Variants in SPECC1 observed in about 807,000 individuals in gnomAD.
The protein encoded by SPECC1 is cytospin-B.
In SPECC1, 62 loss-of-function variants were observed where a neutral mutation model predicts 104.1. The ratio of observed to expected loss-of-function variants is 0.60; its 90% CI spans 0.49 to 0.74. The LOEUF is 0.74. Among genes scored for constraint, SPECC1 ranks in the 30% least tolerant of loss-of-function variants. The pLI is 0.00. For synonymous variants in SPECC1, 513 were observed against 501.6 expected, an observed-to-expected ratio of 1.02 and a Z score of -0.30; for missense variants, 1,306 against 1,310.5, an observed-to-expected ratio of 1.00 and a Z score of 0.05.
intron 3 of SPECC1, among the ~76,000 whole-genome samples, chr17:20,179,000 A>C (rs1393334615): frequency 6.6e-6 from 1 of 152,268 alleles, no homozygotes; most frequent in Admixed American, 6.5e-5. Context: ...GCTAGAATAG[A>C]GTCTGTATGG....
At chr17:20,108,132 A>G (rs973609278) in intron 2 of SPECC1, among the ~76,000 whole-genome samples, 2 of 152,252 alleles carry the variant, frequency 1.3e-5, no homozygotes, top group East Asian at 3.9e-4. Context: ...GTTGTACAAC[A>G]TGGTGAATGT....
intron 3 of SPECC1, among the ~76,000 whole-genome samples, chr17:20,118,011 G>T (rs1249752415): frequency 6.6e-6 from 1 of 151,920 alleles, no homozygotes; most frequent in Non-Finnish European, 1.5e-5. Context: ...AGACAGAGGT[G>T]GGAGGATCAC....
At chr17:20,239,335 C>T in intron 7 of SPECC1, 1 of 969,058 alleles carries the variant, frequency 1.0e-6, no homozygotes, top group Non-Finnish European at 1.2e-6. Flanking sequence ...GTGAGGAAAT[C>T]AGTGTTAACA....
intron 3 of SPECC1, chr17:20,185,311 A>G (rs965022886): frequency 6.6e-6 from 1 of 152,390 alleles, no homozygotes; most frequent in African/African-American, 2.4e-5. Flanking sequence ...AGAGGGTGGA[A>G]GTGCTCCTCT....
intron 11 of SPECC1, 68 bp downstream of exon 11, chr17:20,257,675 T>C: frequency 6.3e-7 from 1 of 1,577,784 alleles, no homozygotes; most frequent in Non-Finnish European, 8.6e-7. Context: ...CTTCCTTCCG[T>C]TTTGTCCCCG....
At chr17:20,170,820 G>A (rs1454453440) in intron 3 of SPECC1, among the ~76,000 whole-genome samples, 1 of 152,082 alleles carries the variant, frequency 6.6e-6, no homozygotes, top group Non-Finnish European at 1.5e-5. Flanking sequence ...AACCTAGAAA[G>A]ATAAAGTAAT....
chr17:20,020,452 C>T (rs1161478957), intron 1 of SPECC1, among the ~76,000 whole-genome samples: 2 of 152,134 alleles, frequency 1.3e-5, no homozygotes, highest in East Asian at 3.9e-4. Flanking sequence ...TCTCCTGCCT[C>T]AGCCTCCAGA....
At chr17:20,073,680 C>G in intron 1 of SPECC1, 1 of 152,128 alleles carries the variant, frequency 6.6e-6, no homozygotes, top group East Asian at 1.9e-4. Flanking sequence ...TCCCGAGAAG[C>G]AGGAGAAGCA....
intron 1 of SPECC1, among the ~76,000 whole-genome samples, chr17:20,042,720 C>T (rs1479630612): frequency 2.6e-5 from 4 of 152,220 alleles, no homozygotes; most frequent in African/African-American, 7.2e-5. Context: ...CTAGAGAGGG[C>T]AGGCTTTTCT....
intron 4 of SPECC1, among the ~76,000 whole-genome samples, chr17:20,220,864 TTTA>T (rs2037831549): frequency 6.6e-6 from 1 of 152,178 alleles, no homozygotes; most frequent in Admixed American, 6.5e-5. Flanking sequence ...CTGTACCCAG[TTTA>T]TTGACAGTTT....
intron 3 of SPECC1, among the ~76,000 whole-genome samples, chr17:20,113,913 A>G (rs1226403538): frequency 1.3e-5 from 2 of 152,242 alleles, no homozygotes; most frequent in Non-Finnish European, 2.9e-5. Flanking sequence ...ATAGTTTTAC[A>G]TAGGGCCATC....
chr17:20,205,124 G>A lies in SPECC1; in HGVS notation c.1075G>A (p.Gly359Arg), dbSNP rs1203372441. 3 of 1,614,126 alleles carry A rather than the reference G, an allele frequency of 1.9e-6. No individual in the cohort carries two copies. Among genetic ancestry groups the A allele is most frequent in the Admixed American group, 1.7e-5 (1 of 60,004 alleles). Reference sequence around the variant, plus strand: ...TAAGAGTTCAAAGTGTTCTACTGCTGGGAGTTCCCCAAACAGCGTAAGTGA... The same window carrying A: ...TAAGAGTTCAAAGTGTTCTACTGCTAGGAGTTCCCCAAACAGCGTAAGTGA... ...PFKSSKCSTA[G>R]SSPNSVSELS... The change falls in exon 4 of 15, where the codon GGG (glycine) becomes AGG (arginine). Residue 359 changes from glycine (G) to arginine (R), a missense_variant. By Grantham distance (125) the Gly-to-Arg change is moderately radical. This residue lies in a region of SPECC1 where 1,177 missense variants were observed against 1,139.9 expected (regional missense o/e 1.03). Transcript: ENST00000395527.
intron 3 of SPECC1, chr17:20,112,299 C>T: frequency 2.6e-6 from 2 of 759,682 alleles, no homozygotes; most frequent in East Asian, 2.5e-5. Flanking sequence ...GCTTATTGTA[C>T]ATGATGGCAT....
In SPECC1 at chr17:20,093,043, C is replaced by T. The variant is rs887581311; in HGVS notation, c.-21-3588C>T. On this transcript the variant is annotated intron_variant, in intron 1 of 14. Coordinates refer to ENST00000395527, the MANE Select transcript of SPECC1 (RefSeq NM_001243439.2). ...AGATTTGGGCAAGTTGCTTAACCTC[C>T]CTTGGGGAAATGAAGTTTCCCCACC... Among the ~76,000 whole-genome samples the T allele has an allele frequency of 5.9e-5, 9 of 152,202 alleles. 1 individual carries two copies. The highest frequency in any genetic ancestry group is 4.6e-4 in the Admixed American group (7 of 15,284).
chr17:20,260,632 T>C (rs1444257443), intron 12 of SPECC1, among the ~76,000 whole-genome samples: 2 of 152,194 alleles, frequency 1.3e-5, no homozygotes, highest in African/African-American at 2.4e-5. Flanking sequence ...GAAATTGTCA[T>C]GAGGCCAAAA....
chr17:20,052,418 T>G (rs996073023), intron 1 of SPECC1, among the ~76,000 whole-genome samples: 4 of 152,190 alleles, frequency 2.6e-5, no homozygotes, highest in Non-Finnish European at 4.4e-5. Context: ...AGGTCATACA[T>G]CAAAGAATCT....
At chr17:20,218,180 A>G (rs2037629268) in intron 4 of SPECC1, among the ~76,000 whole-genome samples, 1 of 152,248 alleles carries the variant, frequency 6.6e-6, no homozygotes, top group African/African-American at 2.4e-5. Flanking sequence ...TATATATAAT[A>G]CATAGGGCAA....
chr17:20,116,084 T>C (rs1321333693), intron 3 of SPECC1, among the ~76,000 whole-genome samples: 2 of 152,128 alleles, frequency 1.3e-5, no homozygotes, highest in African/African-American at 4.8e-5. Context: ...CTTTTTTATT[T>C]ATTTTATTTA....
chr17:20,189,185 C>T lies in SPECC1; in HGVS notation c.284-15148C>T, dbSNP rs529611689. 3.3e-5 allele frequency among the ~76,000 whole-genome samples: 5 copies of T among 152,244 alleles called. No individual in the cohort carries two copies. In the South Asian group the frequency reaches 6.2e-4, roughly 19 times the overall value. ...TCTTTTAGTTCACTAAAGCCTGCAC[C>T]CTCAGCTCCTCCTTATTCTCAGTGT... On this transcript the variant is annotated intron_variant, in intron 3 of 14. Coordinates refer to ENST00000395527, the MANE Select transcript of SPECC1 (RefSeq NM_001243439.2).
Sources: gnomAD v4.1 joint callset for allele counts (sites outside exome capture counted in the v4.1 genomes callset) on GRCh38, gnomAD v4.1.1 for gene constraint, gnomAD v4.1.1 regional missense constraint, MANE v1.5 for transcripts, NCBI Gene and HGNC (gene_info 2026-07-23, HGNC 2026-07-21) for gene names.